Variants in AGT observed in about 807,000 individuals in gnomAD.
AGT encodes angiotensinogen.
In AGT, 26 loss-of-function variants were observed where a neutral mutation model predicts 28.1. That is an observed-to-expected ratio of 0.92 (90% CI 0.68 to 1.28). The LOEUF (loss-of-function observed/expected upper bound fraction) is 1.28. Ranked by LOEUF, AGT falls within the 50% of genes most tolerant of loss-of-function variation. AGT has a pLI of 0.00. For missense variants in AGT, 596 were observed against 592.3 expected (o/e 1.01, Z -0.06); for synonymous variants, 259 against 259.6 (o/e 1.00, Z 0.02).
intron 1 of AGT, among the ~76,000 whole-genome samples, chr1:230,742,397 C>T (rs1349436290): frequency 6.6e-6 from 1 of 152,164 alleles, no homozygotes; most frequent in Non-Finnish European, 1.5e-5. Context: ...CTCACTGCAA[C>T]CTCCACCTCC....
intron 1 of AGT, among the ~76,000 whole-genome samples, chr1:230,732,032 C>A (rs191894365): frequency 2.6e-5 from 4 of 152,228 alleles, no homozygotes. Flanking sequence ...AGAGAAGAGC[C>A]CTGCCCACCA....
intron 1 of AGT, among the ~76,000 whole-genome samples, chr1:230,742,250 A>G (rs184596907): frequency 6.6e-6 from 1 of 152,070 alleles, no homozygotes; most frequent in Non-Finnish European, 1.5e-5. Context: ...ATAAATAAAT[A>G]TTTTTTGCCT....
chr1:230,712,046 C>T (rs896428667), intron 1 of AGT, among the ~76,000 whole-genome samples: 8 of 152,148 alleles, frequency 5.3e-5, no homozygotes, highest in Non-Finnish European at 1.0e-4. Context: ...AAGGGATGAA[C>T]GTTTATTCTA....
intron 1 of AGT, among the ~76,000 whole-genome samples, chr1:230,713,884 T>C (rs998412867): frequency 6.6e-6 from 1 of 152,136 alleles, no homozygotes; most frequent in African/African-American, 2.4e-5. Flanking sequence ...GTCCTATTGC[T>C]GAGGAGGAGC....
intron 1 of AGT, among the ~76,000 whole-genome samples, chr1:230,711,169 T>A (rs11568029): frequency 0.022 from 3,360 of 152,054 alleles, 117 homozygotes; most frequent in African/African-American, 0.077. Context: ...AAAGAGATGA[T>A]TAAGTTAAAA....
chr1:230,709,520 C>T (rs1455296728), intron 2 of AGT, among the ~76,000 whole-genome samples: 1 of 152,038 alleles, frequency 6.6e-6, no homozygotes, highest in African/African-American at 2.4e-5. Flanking sequence ...TTTAAGCAAG[C>T]CAATTGCTTA....
At chr1:230,716,610 C>A (rs2102795747), upstream of AGT, among the ~76,000 whole-genome samples, 1 of 152,280 alleles carries the variant, frequency 6.6e-6, no homozygotes, top group South Asian at 2.1e-4. Context: ...CTCATGAGAT[C>A]TGATGGTTTT....
chr1:230,736,165 T>TTGTGTGTG (rs375559522), intron 1 of AGT, among the ~76,000 whole-genome samples: 8 of 149,534 alleles, frequency 5.3e-5, no homozygotes, highest in Admixed American at 1.3e-4. Context: ...AAGGCAAAGT[T>TTGTGTGTG]TGTGTGTGTG....
chr1:230,737,841 TTCA>T (rs947125318), intron 1 of AGT, among the ~76,000 whole-genome samples: 114 of 152,208 alleles, frequency 7.5e-4, no homozygotes, highest in African/African-American at 2.6e-3. Flanking sequence ...TTTAGAAGAT[TTCA>T]TCATCTCAAA....
chr1:230,739,624 T>A (rs756672629), intron 1 of AGT, among the ~76,000 whole-genome samples: 1 of 151,972 alleles, frequency 6.6e-6, no homozygotes, highest in Non-Finnish European at 1.5e-5. Flanking sequence ...TTGCCCCCGA[T>A]AGGAAAATGA....
intron 1 of AGT, among the ~76,000 whole-genome samples, chr1:230,733,739 T>C (rs1384026887): frequency 6.6e-6 from 1 of 152,114 alleles, no homozygotes; most frequent in Admixed American, 6.5e-5. Flanking sequence ...CCACAACTGT[T>C]TTCACCCTAG....
intron 1 of AGT, among the ~76,000 whole-genome samples, chr1:230,722,606 C>T (rs1663870065): frequency 6.6e-6 from 1 of 152,248 alleles, no homozygotes; most frequent in Non-Finnish European, 1.5e-5. Flanking sequence ...CTGCTTGCAT[C>T]AGCATGACCT....
At chr1:230,734,610 ATGTGTG>A (rs59787972) in intron 1 of AGT, among the ~76,000 whole-genome samples, 1 of 150,264 alleles carries the variant, frequency 6.7e-6, no homozygotes, top group Non-Finnish European at 1.5e-5. Flanking sequence ...TGGTGTGTGT[ATGTGTG>A]TGTGTGTGTG....
chr1:230,703,249 C>T lies in AGT; in HGVS notation c.1323G>A (p.Glu441=). ...GGCGGTTCAGGGTCACCTCCAAGAC[C>T]TCAGGCTTGTTAAGCTGTTGGGTAG... ...TESTQQLNKP[E]VLEVTLNRPF... The change falls in exon 5 of 5, where the codon GAG becomes GAA. Residue 441 remains glutamate, a synonymous_variant. Coordinates refer to ENST00000366667, the MANE Select transcript of AGT (RefSeq NM_001384479.1). 1.2e-6 allele frequency: 2 copies of T among 1,614,204 alleles called. No individual in the cohort carries two copies. Among genetic ancestry groups the T allele is most frequent in the Non-Finnish European group, 1.7e-6 (2 of 1,180,050 alleles).
In AGT at chr1:230,703,065, G is replaced by A; in HGVS notation, c.*76C>T. 2 of 1,521,898 alleles carry A rather than the reference G, an allele frequency of 1.3e-6. No homozygotes were observed. Among genetic ancestry groups the A allele is most frequent in the Non-Finnish European group, 1.8e-6 (2 of 1,104,268 alleles). 94.3% of individuals were successfully genotyped at this position (1,521,898 alleles called of 1,614,324 possible). On this transcript the variant is annotated 3_prime_UTR_variant, in exon 5 of 5. Coordinates refer to ENST00000366667, the MANE Select transcript of AGT (RefSeq NM_001384479.1). ...ACACATCGCTGATTTGTCCGGGGTT[G>A]TTATCTGCTGCTGGCCTTTGCCTCA...
intron 1 of AGT, among the ~76,000 whole-genome samples, chr1:230,728,087 G>A (rs992698947): frequency 1.3e-5 from 2 of 152,142 alleles, no homozygotes; most frequent in Admixed American, 1.3e-4. Flanking sequence ...GGAAAAAATG[G>A]TCCTCATATG....
At chr1:230,709,917 A>G in intron 2 of AGT, 78 bp downstream of exon 2, 2 of 1,601,282 alleles carry the variant, frequency 1.2e-6, no homozygotes, top group South Asian at 2.2e-5. Context: ...GCCCATCTCC[A>G]AGGCCTGACT....
chr1:230,710,518 G>A lies in AGT; in HGVS notation c.306C>T (p.Asn102=). The change falls in exon 2 of 5, where the codon AAC becomes AAT. Residue 102 remains asparagine (N), a synonymous_variant. Transcript: ENST00000366667. ...TGCCATATATACGGAAGCCCAAGAA[G>A]TTGGCCAGCATCCCGACCATTGCGG... ...LRAAMVGMLA[N]FLGFRIYGMH... is the part of the protein sequence containing the mutation. The A allele has an allele frequency of 6.2e-7, 1 of 1,614,262 alleles. No individual in the cohort carries two copies. Among genetic ancestry groups the A allele is most frequent in the Non-Finnish European group, 8.5e-7 (1 of 1,180,042 alleles).
intron 4 of AGT, among the ~76,000 whole-genome samples, chr1:230,703,666 G>C (rs1663295513): frequency 6.6e-6 from 1 of 152,232 alleles, no homozygotes; most frequent in Non-Finnish European, 1.5e-5. Context: ...CCAGTGCCAG[G>C]GCTTAGCTAA....
Sources: gnomAD v4.1 joint callset for allele counts (sites outside exome capture counted in the v4.1 genomes callset) on GRCh38, gnomAD v4.1.1 for gene constraint, MANE v1.5 for transcripts, NCBI Gene and HGNC (gene_info 2026-07-23, HGNC 2026-07-21) for gene names.